Variants in RAX observed in about 807,000 individuals in gnomAD.
RAX encodes the protein retina and anterior neural fold homeobox.
Under a neutral mutation model 17.4 loss-of-function variants are expected in RAX, and 11 were observed. The ratio of observed to expected loss-of-function variants is 0.63; its 90% CI spans 0.40 to 1.05. RAX has a LOEUF of 1.05. RAX is among the 50% of genes least tolerant of loss of function. RAX has a pLI of 0.00. For synonymous variants in RAX, 276 were observed against 254.7 expected, an observed-to-expected ratio of 1.08 and a Z score of -0.80; for missense variants, 527 against 501.1, an observed-to-expected ratio of 1.05 and a Z score of -0.49.
In RAX at chr18:59,272,618, G is replaced by T. The variant is rs200338566; in HGVS notation, c.290-4C>A. 2.2e-3 allele frequency: 3,596 copies of T among 1,608,296 alleles called. 7 individuals carry two copies. The highest frequency in any genetic ancestry group is 2.8e-3 in the Non-Finnish European group (3,312 of 1,178,914). On this transcript the variant is annotated splice_polypyrimidine_tract_variant and splice_region_variant and intron_variant, in intron 1 of 2. Coordinates refer to ENST00000334889, the MANE Select transcript of RAX (RefSeq NM_013435.3). ...TTGGGGCAGTAGGGTCGAGGGGCTG[G>T]GGCGACGAGGCCCGGGAGGGTCAGA...
Position 59,272,604 on chromosome 18 carries a change from G to A in RAX, c.300C>T (p.Pro100=). The change falls in exon 2 of 3, where the codon CCC becomes CCT. Residue 100 remains proline (P), a synonymous_variant. Coordinates refer to ENST00000334889, the MANE Select transcript of RAX (RefSeq NM_013435.3). ...CCTCCCCGGGCTCCTTGGGGCAGTAGGGTCGAGGGGCTGGGGCGACGAGGC... is the reference window on the plus strand; with the variant it reads ...CCTCCCCGGGCTCCTTGGGGCAGTAAGGTCGAGGGGCTGGGGCGACGAGGC... ...APAPEYEAPR[P]YCPKEPGEAR... The A allele has an allele frequency of 6.2e-7, 1 of 1,611,484 alleles. No individual in the cohort carries two copies.
At chr18:59,269,637 G>T in intron 2 of RAX, 136 bp from the exon 3 acceptor site, 1 of 914,204 alleles carries the variant, frequency 1.1e-6, no homozygotes, top group Non-Finnish European at 1.6e-6. Flanking sequence ...TTATGCATGT[G>T]CCGAGAGAGG....
Position 59,273,364 on chromosome 18 carries a change from G to T in RAX, c.-158C>A. On this transcript the variant is annotated 5_prime_UTR_variant, in exon 1 of 3. Transcript: ENST00000334889. ...GGCTGCGCACGCTGGGGGTGGCCGA[G>T]CGCTCAGCCCGCTGCCGCCTTAGTC... 1.3e-6 allele frequency: 1 copy of T among 767,536 alleles called. No individual in the cohort carries two copies. Among genetic ancestry groups the T allele is most frequent in the Non-Finnish European group, 2.0e-6 (1 of 510,850 alleles). 47.5% of individuals were successfully genotyped at this position (767,536 alleles called of 1,614,324 possible). A position where few individuals can be genotyped will look rare whatever the true frequency, so the allele number is the denominator to read the frequency against.
chr18:59,273,007 A>T lies in RAX; in HGVS notation c.200T>A (p.Leu67Gln). The change falls in exon 1 of 3, where the codon CTG becomes CAG. Residue 67 changes from leucine (L) to glutamine (Q), a missense_variant. Leu to Gln is a moderately radical substitution (Grantham distance 113, BLOSUM62 -2). Coordinates refer to ENST00000334889, the MANE Select transcript of RAX (RefSeq NM_013435.3). ...CTTGGGGCAGGCGGGCCGCGCGCCC[A>T]GCCTCCTATCCCGCTCCTTCGCGCC... is the stretch of plus-strand genomic sequence containing the variant. ...ARGAKERDRR[L>Q]GARPACPKAP... 6.5e-7 allele frequency: 1 copy of T among 1,527,360 alleles called. No homozygotes were observed. The highest frequency in any genetic ancestry group is 8.7e-7 in the Non-Finnish European group (1 of 1,143,956). 94.6% of individuals were successfully genotyped at this position (1,527,360 alleles called of 1,614,324 possible).
intron 2 of RAX, among the ~76,000 whole-genome samples, chr18:59,270,245 T>C (rs2070326467): frequency 6.6e-6 from 1 of 152,232 alleles, no homozygotes; most frequent in South Asian, 2.1e-4. Flanking sequence ...TTTTTATTTT[T>C]ATTTAATTAA....
In RAX at chr18:59,272,932, G is replaced by A. The variant is rs2070351746; in HGVS notation, c.275C>T (p.Ala92Val). The change falls in exon 1 of 3, where the codon GCC becomes GTC. Residue 92 changes from alanine to valine, a missense_variant. Ala to Val is a moderately conservative substitution (Grantham distance 64). Coordinates refer to ENST00000334889, the MANE Select transcript of RAX (RefSeq NM_013435.3). ...EPSPPPAPAPAPEYEAPRPYC... is the reference protein window; with the variant it reads ...EPSPPPAPAPVPEYEAPRPYC... ...TGCGCACTCACCTTCGTACTCGGGG[G>A]CGGGCGCCGGGGCTGGCGGCGGGGA... 1.4e-6 allele frequency: 2 copies of A among 1,467,752 alleles called. No homozygotes were observed. The highest frequency in any genetic ancestry group is 1.5e-5 in the South Asian group (1 of 68,406). 90.9% of individuals were successfully genotyped at this position (1,467,752 alleles called of 1,614,324 possible).
chr18:59,268,974 G>T lies in RAX; in HGVS notation c.*30C>A, dbSNP rs1178554145. On this transcript the variant is annotated 3_prime_UTR_variant, in exon 3 of 3. Transcript: ENST00000334889. The surrounding 1 kb of genome is among the most constrained non-coding windows in gnomAD (Gnocchi z 4.4). ...TGCGGGTACGGTGCGGTCGGCCCGGGGTCGGATCCCAAGACGTTCCCCAGT... is the reference window on the plus strand; with the variant it reads ...TGCGGGTACGGTGCGGTCGGCCCGGTGTCGGATCCCAAGACGTTCCCCAGT... 2 of 1,612,732 alleles carry T rather than the reference G, an allele frequency of 1.2e-6. No individual in the cohort carries two copies. Among genetic ancestry groups the T allele is most frequent in the East Asian group, 2.2e-5 (1 of 44,874 alleles).
At position 59,269,303 on chromosome 18, in the gene RAX, G is replaced by T; in HGVS notation, c.742C>A (p.Pro248Thr). 1 of 1,284,948 alleles carries T rather than the reference G, an allele frequency of 7.8e-7. No homozygotes were observed. Among genetic ancestry groups the T allele is most frequent in the Non-Finnish European group, 9.8e-7 (1 of 1,022,242 alleles). The allele number at this position is 1,284,948 out of a possible 1,614,324, so 79.6% of individuals were successfully genotyped here. ...ALPLESWLGP[P>T]LPGGGATALQ... Reference sequence around the variant, plus strand: ...GCCGTGGCGCCCCCGCCCGGCAGCGGCGGCCCGAGCCAGGACTCCAGCGGC... The same window carrying T: ...GCCGTGGCGCCCCCGCCCGGCAGCGTCGGCCCGAGCCAGGACTCCAGCGGC... Residue 248 changes from proline to threonine, a missense_variant, in exon 3 of 3, where the codon CCG (proline) becomes ACG (threonine). Pro to Thr is a conservative substitution (Grantham distance 38). Coordinates refer to ENST00000334889, the MANE Select transcript of RAX (RefSeq NM_013435.3).
Position 59,273,338 on chromosome 18 carries a change from G to GGA in RAX, c.-133_-132insTC. The GGA allele has an allele frequency of 2.0e-6, 2 of 1,007,206 alleles. No homozygotes were observed. The highest frequency in any genetic ancestry group is 2.8e-6 in the Non-Finnish European group (2 of 725,586). 62.4% of individuals were successfully genotyped at this position (1,007,206 alleles called of 1,614,324 possible). ...CAAGCTCCGCGGGCGAAGCCCGCCC[G>GGA]GGCTGCGCACGCTGGGGGTGGCCGA... On this transcript the variant is annotated 5_prime_UTR_variant, in exon 1 of 3. Transcript: ENST00000334889.
rs754570252 is a variant in RAX, at chr18:59,268,961, G to A, written c.*43C>T. ...CTGGGAGAGAGGATGCGGGTACGGTGCGGTCGGCCCGGGGTCGGATCCCAA... is the reference window on the plus strand; with the variant it reads ...CTGGGAGAGAGGATGCGGGTACGGTACGGTCGGCCCGGGGTCGGATCCCAA... On this transcript the variant is annotated 3_prime_UTR_variant, in exon 3 of 3. Coordinates refer to ENST00000334889, the MANE Select transcript of RAX (RefSeq NM_013435.3). This position sits in a 1 kb window ranked among gnomAD's most constrained non-coding sequence, Gnocchi z 4.4. 1.9e-6 allele frequency: 3 copies of A among 1,612,708 alleles called. No individual in the cohort carries two copies. The highest frequency in any genetic ancestry group is 2.7e-5 in the African/African-American group (2 of 75,056).
In RAX at chr18:59,268,719, G is replaced by A; in HGVS notation, c.*285C>T. On this transcript the variant is annotated 3_prime_UTR_variant, in exon 3 of 3. Transcript: ENST00000334889. The surrounding 1 kb of genome is among the most constrained non-coding windows in gnomAD (Gnocchi z 4.4). Reference sequence around the variant, plus strand: ...GGAGGCTCCAGCGCCTGCGGTGATGGGAGCGGCGTGGCCAGCGGGGCCCGG... The same window carrying A: ...GGAGGCTCCAGCGCCTGCGGTGATGAGAGCGGCGTGGCCAGCGGGGCCCGG... The A allele has an allele frequency of 1.8e-6, 1 of 551,476 alleles. No homozygotes were observed. The highest frequency in any genetic ancestry group is 3.4e-5 in the Admixed American group (1 of 29,546). The allele number at this position is 551,476 out of a possible 1,614,324, so 34.2% of individuals were successfully genotyped here. A position where few individuals can be genotyped will look rare whatever the true frequency, so the allele number is the denominator to read the frequency against.
In RAX at chr18:59,273,002, C is replaced by A. The variant is rs2070352888; in HGVS notation, c.205G>T (p.Ala69Ser). ...GAKERDRRLG[A>S]RPACPKAPEE... ...GGCGCCTTGGGGCAGGCGGGCCGCG[C>A]GCCCAGCCTCCTATCCCGCTCCTTC... The change falls in exon 1 of 3, where the codon GCG becomes TCG. Residue 69 changes from alanine to serine, a missense_variant. Coordinates refer to ENST00000334889, the MANE Select transcript of RAX (RefSeq NM_013435.3). The A allele has an allele frequency of 1.3e-6, 2 of 1,526,180 alleles. No homozygotes were observed. The highest frequency in any genetic ancestry group is 1.7e-6 in the Non-Finnish European group (2 of 1,143,558). 94.5% of individuals were successfully genotyped at this position (1,526,180 alleles called of 1,614,324 possible).
At chr18:59,271,262 T>C (rs1002534016) in intron 2 of RAX, among the ~76,000 whole-genome samples, 1 of 152,188 alleles carries the variant, frequency 6.6e-6, no homozygotes, top group African/African-American at 2.4e-5. Context: ...TTGGATTCTG[T>C]AGGGTACTGG....
intron 2 of RAX, 60 bp downstream of exon 2, chr18:59,272,301 T>G (rs2070343935): frequency 9.9e-6 from 16 of 1,611,796 alleles, no homozygotes; most frequent in Non-Finnish European, 1.4e-5. Flanking sequence ...CGAGAAGCAT[T>G]GGCTGCAATT....
In RAX at chr18:59,273,190, C is replaced by T; in HGVS notation, c.17G>A (p.Cys6Tyr). MHLPGCAPAMADGSFS... is the reference protein window; with the variant it reads MHLPGYAPAMADGSFS... ...GCTCCCGTCGGCCATGGCTGGCGCGCAGCCCGGCAGGTGCATGGGGAGCGC... is the reference window on the plus strand; with the variant it reads ...GCTCCCGTCGGCCATGGCTGGCGCGTAGCCCGGCAGGTGCATGGGGAGCGC... The change falls in exon 1 of 3, where the codon TGC (cysteine) becomes TAC (tyrosine). Residue 6 changes from cysteine to tyrosine, a missense_variant. Coordinates refer to ENST00000334889, the MANE Select transcript of RAX (RefSeq NM_013435.3). 6.5e-7 allele frequency: 1 copy of T among 1,530,654 alleles called. No homozygotes were observed. The allele number at this position is 1,530,654 out of a possible 1,614,324, so 94.8% of individuals were successfully genotyped here. A position where few individuals can be genotyped will look rare whatever the true frequency, so the allele number is the denominator to read the frequency against.
Position 59,273,121 on chromosome 18 carries a change from G to A in RAX, c.86C>T (p.Thr29Ile), listed in dbSNP as rs2070355059. ...GGCCTCGATGCTGTGAAGTCGCGAG[G>A]TGCTCCCGCCCGGGCTGCGGAGCAG... The part of the protein sequence containing the change: ...GHLLRSPGGS[T>I]SRLHSIEAIL... The change falls in exon 1 of 3, where the codon ACC becomes ATC. Residue 29 changes from threonine (T) to isoleucine (I), a missense_variant. Coordinates refer to ENST00000334889, the MANE Select transcript of RAX (RefSeq NM_013435.3). 6.5e-7 allele frequency: 1 copy of A among 1,535,046 alleles called. No individual in the cohort carries two copies. The highest frequency in any genetic ancestry group is 8.7e-7 in the Non-Finnish European group (1 of 1,146,362).
At position 59,269,399 on chromosome 18, in the gene RAX, G is replaced by T. The variant is rs1308106678; in HGVS notation, c.646C>A (p.Pro216Thr). 1 of 1,533,688 alleles carries T rather than the reference G, an allele frequency of 6.5e-7. No individual in the cohort carries two copies. Residue 216 changes from proline (P) to threonine (T), a missense_variant, in exon 3 of 3, where the codon CCG becomes ACG. Physicochemically the swap from Pro to Thr is conservative, Grantham distance 38. Transcript: ENST00000334889. Reference protein sequence around the residue: ...DSPLLSFSRSPPSATLSPLGA... With the variant: ...DSPLLSFSRSTPSATLSPLGA... ...AGGGGCGACAGCGTCGCGGAGGGCGGGGAGCGGCTGAAGGAGAGGAGGGGC... is the reference window on the plus strand; with the variant it reads ...AGGGGCGACAGCGTCGCGGAGGGCGTGGAGCGGCTGAAGGAGAGGAGGGGC...
chr18:59,269,467 C>T lies in RAX; in HGVS notation c.578G>A (p.Arg193Gln), dbSNP rs756644705. ...WFQNRRAKWR[R>Q]QEKLEVSSMK... ...GGAGGACACTTCCAGCTTCTCCTGC[C>T]GCCGCCACTTAGCCCGTCGGTTCTG... is the stretch of plus-strand genomic sequence containing the variant. Residue 193 changes from arginine (R) to glutamine (Q), a missense_variant, in exon 3 of 3, where the codon CGG becomes CAG. Coordinates refer to ENST00000334889, the MANE Select transcript of RAX (RefSeq NM_013435.3). The T allele has an allele frequency of 8.8e-6, 14 of 1,596,020 alleles. No homozygotes were observed. The highest frequency in any genetic ancestry group is 1.1e-5 in the Non-Finnish European group (13 of 1,179,088).
intron 2 of RAX, among the ~76,000 whole-genome samples, chr18:59,272,112 T>C (rs1336831614): frequency 1.3e-5 from 2 of 152,198 alleles, no homozygotes; most frequent in Non-Finnish European, 2.9e-5. Flanking sequence ...GTCATTCCCA[T>C]CTTCTATTTT....
Sources: gnomAD v4.1 joint callset for allele counts (sites outside exome capture counted in the v4.1 genomes callset) on GRCh38, gnomAD v4.1.1 for gene constraint, Gnocchi (gnomAD v3.1) non-coding constraint, MANE v1.5 for transcripts, NCBI Gene and HGNC (gene_info 2026-07-23, HGNC 2026-07-21) for gene names.